TENM3: variants seen among roughly 807,000 people sequenced by gnomAD.
The protein encoded by TENM3 is teneurin transmembrane protein 3.
A neutral mutation model predicts 255.1 loss-of-function variants in TENM3; 63 were observed. The observed-to-expected ratio is 0.25, with a 90% confidence interval of 0.20 to 0.30. TENM3 has a LOEUF of 0.30. Ranked by LOEUF, TENM3 falls within the 10% of genes least tolerant of loss-of-function variation. The pLI is 1.00. For synonymous variants in TENM3, 1,306 were observed against 1,322.3 expected (o/e 0.99, Z 0.27); for missense variants, 2,929 against 3,461.1 (o/e 0.85, Z 3.86).
intron 12 of TENM3, among the ~76,000 whole-genome samples, chr4:182,696,491 C>G (rs896778750): frequency 6.6e-6 from 1 of 152,084 alleles, no homozygotes; most frequent in African/African-American, 2.4e-5. Flanking sequence ...CTTTGGGAGG[C>G]CAAGGCGGGT....
chr4:181,606,679 G>T, the TENM3 span, among the ~76,000 whole-genome samples: 1 of 152,040 alleles, frequency 6.6e-6, no homozygotes, highest in African/African-American at 2.4e-5. Flanking sequence ...GTGCCAGGCA[G>T]TCTTTTTTGT....
chr4:182,376,707 G>C (rs567817918), intron 3 of TENM3, among the ~76,000 whole-genome samples: 37 of 152,148 alleles, frequency 2.4e-4, no homozygotes, highest in African/African-American at 8.7e-4. Flanking sequence ...ACAGAAACCA[G>C]AGCGATGGCC....
At chr4:181,584,924 G>T in the TENM3 span, among the ~76,000 whole-genome samples, 1 of 151,036 alleles carries the variant, frequency 6.6e-6, no homozygotes, top group East Asian at 2.0e-4. Flanking sequence ...TTAATCTGTC[G>T]GGATGCGGTA....
At chr4:182,352,781 C>A (rs538745969) in intron 3 of TENM3, among the ~76,000 whole-genome samples, 2 of 151,980 alleles carry the variant, frequency 1.3e-5, no homozygotes, top group Admixed American at 6.6e-5. Flanking sequence ...AGGAAAAAGG[C>A]GTACCCCTCA....
At chr4:182,405,831 G>A (rs1170765434) in intron 3 of TENM3, among the ~76,000 whole-genome samples, 1 of 152,212 alleles carries the variant, frequency 6.6e-6, no homozygotes, top group African/African-American at 2.4e-5. Context: ...TAAACTCAGG[G>A]ACAGAAGGCA....
chr4:181,465,827 G>A, the TENM3 span, among the ~76,000 whole-genome samples: 1 of 152,150 alleles, frequency 6.6e-6, no homozygotes, highest in Admixed American at 6.5e-5. Context: ...GTTGCTAGAT[G>A]CACACATCAC....
At chr4:181,939,081 G>A in the TENM3 span, among the ~76,000 whole-genome samples, 11 of 152,026 alleles carry the variant, frequency 7.2e-5, no homozygotes, top group Admixed American at 2.0e-4. Flanking sequence ...AAGATGGCAT[G>A]GATTAAATGA....
At chr4:181,605,399 G>A in the TENM3 span, among the ~76,000 whole-genome samples, 30 of 149,008 alleles carry the variant, frequency 2.0e-4, no homozygotes, top group Non-Finnish European at 7.4e-5. Flanking sequence ...AGCTGAGATC[G>A]CCCCACGACG....
the TENM3 span, among the ~76,000 whole-genome samples, chr4:181,626,164 G>A: frequency 5.9e-5 from 9 of 152,204 alleles, no homozygotes; most frequent in East Asian, 1.4e-3. Flanking sequence ...TCAGGAGGGC[G>A]GAGCAAGACT....
the TENM3 span, among the ~76,000 whole-genome samples, chr4:182,094,968 A>G: frequency 6.6e-6 from 1 of 152,038 alleles, no homozygotes; most frequent in Non-Finnish European, 1.5e-5. Context: ...GAAATTTTTA[A>G]ACATCTAAAA....
At chr4:182,727,064 A>T (rs1760254900) in intron 13 of TENM3, among the ~76,000 whole-genome samples, 1 of 152,214 alleles carries the variant, frequency 6.6e-6, no homozygotes, top group South Asian at 2.1e-4. Context: ...GAAGATTTTA[A>T]AACTATTTTG....
At chr4:182,507,689 TG>T (rs1230674044) in intron 3 of TENM3, among the ~76,000 whole-genome samples, 2 of 152,218 alleles carry the variant, frequency 1.3e-5, no homozygotes, top group Admixed American at 6.5e-5. Context: ...CGAGATTCTT[TG>T]CAAAAGATTT....
At chr4:181,590,199 G>T in the TENM3 span, among the ~76,000 whole-genome samples, 1 of 152,158 alleles carries the variant, frequency 6.6e-6, no homozygotes, top group Admixed American at 6.5e-5. Flanking sequence ...ACAATGCCAA[G>T]TAGAATGGAG....
intron 3 of TENM3, among the ~76,000 whole-genome samples, chr4:182,353,752 T>A (rs1372829715): frequency 6.6e-6 from 1 of 151,978 alleles, no homozygotes; most frequent in Non-Finnish European, 1.5e-5. Context: ...TGGATCACAA[T>A]GTCAGGAGTT....
At chr4:181,752,127 T>C in the TENM3 span, among the ~76,000 whole-genome samples, 1 of 152,208 alleles carries the variant, frequency 6.6e-6, no homozygotes, top group Non-Finnish European at 1.5e-5. Flanking sequence ...TTGCTTTTGA[T>C]ATTCTCACTC....
intron 12 of TENM3, among the ~76,000 whole-genome samples, chr4:182,693,141 C>T (rs1342065176): frequency 6.6e-6 from 1 of 152,118 alleles, no homozygotes; most frequent in African/African-American, 2.4e-5. Flanking sequence ...GCATGCCTCA[C>T]TTACTTTTTA....
the TENM3 span, among the ~76,000 whole-genome samples, chr4:181,600,285 G>T: frequency 2.1e-4 from 32 of 152,234 alleles, no homozygotes; most frequent in Non-Finnish European, 4.1e-4. Context: ...CATTCTGATT[G>T]ACACAGACCT....
At chr4:182,597,245 T>C (rs1747344067) in intron 3 of TENM3, among the ~76,000 whole-genome samples, 1 of 151,950 alleles carries the variant, frequency 6.6e-6, no homozygotes, top group South Asian at 2.1e-4. Flanking sequence ...TCGACAAAAT[T>C]ATATTTTAAA....
chr4:182,051,478 C>A, the TENM3 span, among the ~76,000 whole-genome samples: 20 of 150,874 alleles, frequency 1.3e-4, no homozygotes, highest in African/African-American at 4.9e-4. Flanking sequence ...CCTGGGTTCA[C>A]GCCATTCTCC....
Sources: gnomAD v4.1 joint callset for allele counts (sites outside exome capture counted in the v4.1 genomes callset) on GRCh38, gnomAD v4.1.1 for gene constraint, MANE v1.5 for transcripts, NCBI Gene and HGNC (gene_info 2026-07-23, HGNC 2026-07-21) for gene names.